ZMIZ1: variants seen among roughly 807,000 people sequenced by gnomAD.
ZMIZ1 encodes zinc finger MIZ-type containing 1.
ZMIZ1 carries 17 observed loss-of-function variants against 113.9 expected under a neutral mutation model. The observed-to-expected ratio is 0.15, with a 90% CI of 0.10 to 0.22. The LOEUF (loss-of-function observed/expected upper bound fraction) is 0.22, where lower values mean the gene tolerates loss of function less well. ZMIZ1 is among the 10% of genes least tolerant of loss of function. ZMIZ1 has a pLI of 1.00. For missense variants in ZMIZ1, 1,059 were observed against 1,477.8 expected, an observed-to-expected ratio of 0.72 and a Z score of 4.65; for synonymous variants, 607 against 603.1, an observed-to-expected ratio of 1.01 and a Z score of -0.09.
intron 7 of ZMIZ1, among the ~76,000 whole-genome samples, chr10:79,233,043 T>A (rs545238355): frequency 6.6e-6 from 1 of 152,210 alleles, no homozygotes; most frequent in Non-Finnish European, 1.5e-5. Flanking sequence ...CTGTCAGTAC[T>A]GGTTGTTCCT....
chr10:79,107,138 G>A (rs1286139676), intron 1 of ZMIZ1, among the ~76,000 whole-genome samples: 2 of 152,352 alleles, frequency 1.3e-5, no homozygotes, highest in Admixed American at 1.3e-4. Flanking sequence ...CGGCCACACA[G>A]CCAGTTAATG....
At chr10:79,223,959 T>G (rs929973169) in intron 7 of ZMIZ1, among the ~76,000 whole-genome samples, 1 of 152,098 alleles carries the variant, frequency 6.6e-6, no homozygotes, top group Non-Finnish European at 1.5e-5. Context: ...TGATGGTCCC[T>G]GGGGTTCCAG....
rs780800396 is a variant in ZMIZ1, at chr10:79,312,627, C to A, written c.3097-15C>A. The A allele has an allele frequency of 2.1e-5, 34 of 1,613,868 alleles. No homozygotes were observed. The highest frequency in any genetic ancestry group is 2.9e-5 in the Non-Finnish European group (34 of 1,179,716). The stretch of plus-strand genomic sequence containing the variant: ...GGCACACCTCATCTGAACTTCATTA[C>A]TCCTTCTTTTCCAGCTCCTTCCCGA... On this transcript the variant is annotated splice_polypyrimidine_tract_variant and intron_variant, in intron 24 of 24. Transcript: ENST00000334512.
chr10:79,285,410 G>A (rs1390267516), intron 8 of ZMIZ1: 5 of 453,434 alleles, frequency 1.1e-5, no homozygotes, highest in Non-Finnish European at 2.2e-5. Context: ...TAACCCTCAC[G>A]GCAGCCTTCG....
At chr10:79,077,224 C>T (rs74964486) in intron 1 of ZMIZ1, among the ~76,000 whole-genome samples, 3,303 of 152,176 alleles carry the variant, frequency 0.022, 40 homozygotes, top group Non-Finnish European at 0.034. Context: ...CCCTACTCCC[C>T]GGTGGACCTT....
chr10:79,082,991 T>C lies in ZMIZ1; in HGVS notation c.-337+13721T>C, dbSNP rs73296104. Among the ~76,000 whole-genome samples the C allele has an allele frequency of 5.6e-3, 856 of 152,260 alleles. 6 individuals are homozygous for C. The highest frequency in any genetic ancestry group is 0.019 in the African/African-American group (795 of 41,544). On this transcript the variant is annotated intron_variant, in intron 1 of 24. Coordinates refer to ENST00000334512, the MANE Select transcript of ZMIZ1 (RefSeq NM_020338.4). Reference sequence around the variant, plus strand: ...AAGGAAGGTGGATTCATGTATTCCTTTGTCAAGTTTATCAAGCACCTTCCA... The same window carrying C: ...AAGGAAGGTGGATTCATGTATTCCTCTGTCAAGTTTATCAAGCACCTTCCA...
chr10:79,169,360 C>T (rs947187733), intron 4 of ZMIZ1, among the ~76,000 whole-genome samples: 13 of 152,320 alleles, frequency 8.5e-5, no homozygotes, highest in African/African-American at 3.1e-4. Context: ...GCCTCCTGCC[C>T]GGCAGCTCCA....
At chr10:79,222,114 A>G (rs1849001070) in intron 7 of ZMIZ1, among the ~76,000 whole-genome samples, 1 of 152,230 alleles carries the variant, frequency 6.6e-6, no homozygotes, top group South Asian at 2.1e-4. Context: ...GTGGCTGTCA[A>G]TCAGAAAACA....
rs1855105543 is a variant in ZMIZ1 at position 79,310,906 on chromosome 10, C to T, written c.2836-18C>T. Reference sequence around the variant, plus strand: ...CTCACCTCACCTCTCTTCTCTCCCGCTCTCTCCTCCTCCACAGATGCCACA... The same window carrying T: ...CTCACCTCACCTCTCTTCTCTCCCGTTCTCTCCTCCTCCACAGATGCCACA... On this transcript the variant is annotated intron_variant, in intron 23 of 24. Coordinates refer to ENST00000334512, the MANE Select transcript of ZMIZ1 (RefSeq NM_020338.4). 1.2e-6 allele frequency: 2 copies of T among 1,608,440 alleles called. No individual in the cohort carries two copies. The highest frequency in any genetic ancestry group is 1.1e-5 in the South Asian group (1 of 90,814).
At chr10:79,088,322 T>C (rs960032319) in intron 1 of ZMIZ1, among the ~76,000 whole-genome samples, 1 of 152,124 alleles carries the variant, frequency 6.6e-6, no homozygotes, top group Non-Finnish European at 1.5e-5. Context: ...ACAAGGCTTC[T>C]TGGGCAAAAC....
chr10:79,305,697 C>G, intron 21 of ZMIZ1, 96 bp downstream of exon 21: 2 of 1,287,562 alleles, frequency 1.6e-6, no homozygotes, highest in Non-Finnish European at 2.2e-6. Context: ...CAGCCCTCCC[C>G]TCCCAGGCCA....
intron 6 of ZMIZ1, among the ~76,000 whole-genome samples, chr10:79,210,486 C>A (rs1403733658): frequency 6.6e-6 from 1 of 152,226 alleles, no homozygotes; most frequent in African/African-American, 2.4e-5. Flanking sequence ...TATGCCAGAG[C>A]TCTGGGAGAA....
In ZMIZ1 at chr10:79,302,136, C is replaced by T. The variant is rs778620836; in HGVS notation, c.2049C>T (p.His683=). 2.9e-5 allele frequency: 47 copies of T among 1,614,068 alleles called. No homozygotes were observed. Among genetic ancestry groups the T allele is most frequent in the Non-Finnish European group, 4.0e-5 (47 of 1,180,036 alleles). Residue 683 remains histidine, a synonymous_variant, in exon 18 of 25, where the codon CAC becomes CAT. Coordinates refer to ENST00000334512, the MANE Select transcript of ZMIZ1 (RefSeq NM_020338.4). The part of the protein sequence containing the change: ...CSHLFVLQLV[H]RPSVRSVLQG... ...ACCTCTTCGTGCTGCAGCTGGTACA[C>T]CGGCCCTCCGTCCGCTCTGTGCTGC... is the stretch of plus-strand genomic sequence containing the variant.
chr10:79,142,895 T>C (rs561771788), intron 3 of ZMIZ1, among the ~76,000 whole-genome samples: 1 of 152,208 alleles, frequency 6.6e-6, no homozygotes, highest in Non-Finnish European at 1.5e-5. Context: ...CAGCTCCCTA[T>C]TGAGCACCTG....
chr10:79,238,054 TC>T (rs1849666079), intron 7 of ZMIZ1, among the ~76,000 whole-genome samples: 3 of 152,130 alleles, frequency 2.0e-5, no homozygotes, highest in Non-Finnish European at 2.9e-5. Flanking sequence ...CCCTACCGGC[TC>T]CCCGCTTGCC....
intron 4 of ZMIZ1, among the ~76,000 whole-genome samples, chr10:79,168,898 G>A (rs899145939): frequency 2.0e-5 from 3 of 152,212 alleles, no homozygotes; most frequent in African/African-American, 7.2e-5. Flanking sequence ...GGTTAACGGA[G>A]AGCAGGAAAT....
chr10:79,303,713 C>T (rs1003424220), intron 18 of ZMIZ1, among the ~76,000 whole-genome samples: 5 of 152,208 alleles, frequency 3.3e-5, no homozygotes, highest in African/African-American at 1.2e-4. Flanking sequence ...TTTCCATGAG[C>T]TTTGCAGACA....
chr10:79,277,302 C>T lies in ZMIZ1; in HGVS notation c.402C>T (p.Ser134=), dbSNP rs1852360454. The change falls in exon 8 of 25, where the codon TCC becomes TCT. Residue 134 remains serine, a synonymous_variant. Transcript: ENST00000334512. ...PMQPPLSSMS[S]MKPTLSHSDG... is the part of the protein sequence containing the mutation. ...AGCCCCCTCTCAGCTCCATGAGCTCCATGAAACCCACTCTGTCGCACAGGT... is the reference window on the plus strand; with the variant it reads ...AGCCCCCTCTCAGCTCCATGAGCTCTATGAAACCCACTCTGTCGCACAGGT... The T allele has an allele frequency of 3.1e-6, 5 of 1,600,940 alleles. No homozygotes were observed. In the South Asian group the frequency reaches 5.6e-5, roughly 18 times the overall value.
At chr10:79,149,471 C>T (rs573277717) in intron 3 of ZMIZ1, among the ~76,000 whole-genome samples, 157 of 152,306 alleles carry the variant, frequency 1.0e-3, no homozygotes, top group Non-Finnish European at 1.7e-3. Flanking sequence ...AGGTGAGCCT[C>T]CAGTTCCTGA....
Sources: allele counts gnomAD v4.1 joint callset (sites outside exome capture counted in the v4.1 genomes callset), GRCh38; gene constraint gnomAD v4.1.1; transcripts MANE v1.5; gene names NCBI Gene and HGNC (gene_info 2026-07-23, HGNC 2026-07-21).